Variants in RIMS2 observed in about 807,000 individuals in gnomAD.
RIMS2 encodes regulating synaptic membrane exocytosis 2.
Under a neutral mutation model 174.4 loss-of-function variants are expected in RIMS2, and 59 were observed. That is an observed-to-expected ratio of 0.34 (90% CI 0.27 to 0.42). The LOEUF is 0.42. RIMS2 is among the 10% of genes least tolerant of loss of function. The pLI is 1.00. For synonymous variants in RIMS2, 606 were observed against 572.5 expected (o/e 1.06, Z -0.84); for missense variants, 1,620 against 1,666.3 (o/e 0.97, Z 0.48).
intron 2 of RIMS2, among the ~76,000 whole-genome samples, chr8:103,750,524 T>G (rs1230464231): frequency 6.6e-6 from 1 of 152,118 alleles, no homozygotes; most frequent in African/African-American, 2.4e-5. Flanking sequence ...TTATTATGTG[T>G]TTATGATACG....
chr8:104,236,518 G>T (rs2099259589), intron 19 of RIMS2, among the ~76,000 whole-genome samples: 1 of 151,896 alleles, frequency 6.6e-6, no homozygotes, highest in African/African-American at 2.4e-5. Context: ...GTCATAAAGT[G>T]GATTAATATA....
intron 19 of RIMS2, among the ~76,000 whole-genome samples, chr8:104,042,493 A>G (rs1364849682): frequency 6.6e-6 from 1 of 151,632 alleles, no homozygotes. Flanking sequence ...AGAAATGATA[A>G]TGGTCTGAAT....
intron 12 of RIMS2, among the ~76,000 whole-genome samples, chr8:103,932,327 C>T (rs899002173): frequency 1.3e-5 from 2 of 152,062 alleles, no homozygotes; most frequent in Non-Finnish European, 2.9e-5. Context: ...GTCACCTGAA[C>T]AACAATCTCA....
chr8:103,875,295 A>G (rs1383572703), intron 3 of RIMS2, among the ~76,000 whole-genome samples: 1 of 151,742 alleles, frequency 6.6e-6, no homozygotes, highest in East Asian at 1.9e-4. Context: ...CTGAGTTTCC[A>G]ATGTCCATTA....
chr8:103,689,833 ATTTC>A (rs2096991889), intron 1 of RIMS2, among the ~76,000 whole-genome samples: 1 of 151,370 alleles, frequency 6.6e-6, no homozygotes, highest in South Asian at 2.1e-4. Flanking sequence ...TCCTTTTTCC[ATTTC>A]TTTATTTTCA....
chr8:103,931,135 A>G (rs1200259417), intron 11 of RIMS2, 128 bp from the exon 14 acceptor site: 2 of 614,628 alleles, frequency 3.3e-6, no homozygotes, highest in African/African-American at 1.9e-5. Flanking sequence ...ACTAGCCACA[A>G]TTTACTAAGT....
chr8:104,196,119 C>T (rs531865924), intron 19 of RIMS2, among the ~76,000 whole-genome samples: 1 of 152,062 alleles, frequency 6.6e-6, no homozygotes, highest in African/African-American at 2.4e-5. Context: ...AAAGAAAAAT[C>T]TTTTATAATG....
At chr8:104,160,957 C>T (rs574231969) in intron 19 of RIMS2, among the ~76,000 whole-genome samples, 1 of 152,116 alleles carries the variant, frequency 6.6e-6, no homozygotes, top group South Asian at 2.1e-4. Flanking sequence ...AGAGTTCAAG[C>T]AGGCCTGAAT....
intron 14 of RIMS2, among the ~76,000 whole-genome samples, chr8:103,952,366 C>T (rs1011832176): frequency 7.2e-5 from 11 of 152,220 alleles, no homozygotes; most frequent in African/African-American, 2.7e-4. Flanking sequence ...AGAACTCTGG[C>T]TGGCATCTGG....
At chr8:103,791,922 A>C (rs2098502817) in intron 3 of RIMS2, among the ~76,000 whole-genome samples, 1 of 152,200 alleles carries the variant, frequency 6.6e-6, no homozygotes, top group Non-Finnish European at 1.5e-5. Context: ...TTCATAAAGC[A>C]AGTCCTTAGA....
chr8:103,898,536 C>T (rs1408286332), intron 4 of RIMS2, among the ~76,000 whole-genome samples: 1 of 151,434 alleles, frequency 6.6e-6, no homozygotes, highest in South Asian at 2.1e-4. Flanking sequence ...AGTCCACTGT[C>T]ATTTTTTAGG....
chr8:104,208,144 A>T (rs186482535), intron 19 of RIMS2, among the ~76,000 whole-genome samples: 1 of 152,316 alleles, frequency 6.6e-6, no homozygotes, highest in East Asian at 1.9e-4. Flanking sequence ...TGATGCTGTT[A>T]TGAAATATTC....
At chr8:103,933,537 C>T (rs918388614) in intron 12 of RIMS2, among the ~76,000 whole-genome samples, 10 of 152,084 alleles carry the variant, frequency 6.6e-5, no homozygotes, top group African/African-American at 2.2e-4. Context: ...CTTAACCAGT[C>T]CTTTATATTC....
At chr8:103,657,573 A>C (rs946947828) in intron 1 of RIMS2, among the ~76,000 whole-genome samples, 1 of 152,244 alleles carries the variant, frequency 6.6e-6, no homozygotes, top group African/African-American at 2.4e-5. Context: ...CCTGTCAACA[A>C]AATTTTTCTG....
chr8:104,130,022 C>G (rs1198478994), intron 19 of RIMS2, among the ~76,000 whole-genome samples: 1 of 152,060 alleles, frequency 6.6e-6, no homozygotes, highest in Non-Finnish European at 1.5e-5. Flanking sequence ...ATTTAACTAT[C>G]CTTACGTTAC....
chr8:104,173,676 T>A (rs1034772088), intron 19 of RIMS2, among the ~76,000 whole-genome samples: 7 of 122,080 alleles, frequency 5.7e-5, no homozygotes, highest in Non-Finnish European at 8.0e-5. Context: ...TCGCCCAGGC[T>A]GGAGTGCAGT....
intron 19 of RIMS2, among the ~76,000 whole-genome samples, chr8:104,068,014 G>A (rs906147286): frequency 1.6e-4 from 24 of 152,150 alleles, no homozygotes; most frequent in Admixed American, 1.4e-3. Context: ...AAAAGTTTCT[G>A]ATAATTGGAT....
chr8:103,525,242 A>T (rs1324843213), intron 1 of RIMS2, among the ~76,000 whole-genome samples: 1 of 152,216 alleles, frequency 6.6e-6, no homozygotes, highest in East Asian at 1.9e-4. Context: ...AAAGTGTGAT[A>T]GTTCTTCATT....
Position 103,501,062 on chromosome 8 carries a change from AG to A in RIMS2, c.176+1del. 1 of 1,592,582 alleles carries A rather than the reference AG, an allele frequency of 6.3e-7. No homozygotes were observed. The highest frequency in any genetic ancestry group is 8.5e-7 in the Non-Finnish European group (1 of 1,170,110). ...GAGGAGAAGGAGCAGTCCGTGCTCA[AG>A]TAAGGACCTGGCTCCATATTCCCGC... is the stretch of plus-strand genomic sequence containing the variant. On this transcript the variant is annotated splice_donor_variant, in intron 1 of 23. Transcript: ENST00000504942. LOFTEE classifies it high-confidence loss of function.
Sources: allele counts gnomAD v4.1 joint callset (sites outside exome capture counted in the v4.1 genomes callset), GRCh38; gene constraint gnomAD v4.1.1; transcripts MANE v1.5; gene names NCBI Gene and HGNC (gene_info 2026-07-23, HGNC 2026-07-21).